The following XPO6 variants were observed in gnomAD, a reference collection of about 807,000 sequenced individuals.
XPO6 encodes the protein exportin-6.
XPO6 carries 3 observed loss-of-function variants against 130.0 expected under a neutral mutation model. The observed-to-expected ratio is 0.02, with a 90% CI of 0.01 to 0.06. The LOEUF (loss-of-function observed/expected upper bound fraction) is 0.06, where lower values mean the gene tolerates loss of function less well. XPO6 is among the 10% of genes least tolerant of loss of function. XPO6 has a pLI of 1.00. For missense variants in XPO6, 970 were observed against 1,393.0 expected (o/e 0.70, Z 4.83); for synonymous variants, 524 against 548.9 (o/e 0.95, Z 0.63).
intron 7 of XPO6, chr16:28,153,221 C>A: frequency 1.0e-6 from 1 of 994,076 alleles, no homozygotes; most frequent in African/African-American, 1.7e-5. Context: ...CTACGAAGGG[C>A]ATGGCATCCA....
rs1261891629 is a variant in XPO6 at position 28,132,504 on chromosome 16, G to C, written c.1537-101C>G. 1 of 786,876 alleles carries C rather than the reference G, an allele frequency of 1.3e-6. No homozygotes were observed. Among genetic ancestry groups the C allele is most frequent in the African/African-American group, 1.8e-5 (1 of 55,756 alleles). The allele number at this position is 786,876 out of a possible 1,614,324, so 48.7% of individuals were successfully genotyped here. A position where few individuals can be genotyped will look rare whatever the true frequency, so the allele number is the denominator to read the frequency against. ...CATTAACACGTAACTATGGTGTGAG[G>C]AACAGGATCAAAACCTTTTCTCTGG... is the stretch of plus-strand genomic sequence containing the variant. On this transcript the variant is annotated intron_variant, in intron 11 of 23. Coordinates refer to ENST00000304658, the MANE Select transcript of XPO6 (RefSeq NM_015171.4). The surrounding 1 kb of genome is among the most constrained non-coding windows in gnomAD (Gnocchi z 4.0).
chr16:28,202,531 T>C lies in XPO6; in HGVS notation c.3+8835A>G, dbSNP rs1043501644. Among the ~76,000 whole-genome samples, 2 of 152,084 alleles carry C rather than the reference T, an allele frequency of 1.3e-5. 1 individual carries two copies. Among genetic ancestry groups the C allele is most frequent in the Non-Finnish European group, 2.9e-5 (2 of 67,996 alleles). ...AGGTCAGGGTCAGGACACAGATACG[T>C]TAGCAGCAGCATCAACAGGTCTGGA... On this transcript the variant is annotated intron_variant, in intron 1 of 23. Transcript: ENST00000304658.
chr16:28,162,783 T>A (rs770403510), intron 6 of XPO6, among the ~76,000 whole-genome samples: 10 of 152,142 alleles, frequency 6.6e-5, no homozygotes, highest in Non-Finnish European at 1.3e-4. Flanking sequence ...CTCAAATTCC[T>A]AAGCTCAAGT....
Position 28,102,476 on chromosome 16 carries a change from T to C in XPO6, c.2947-531A>G, listed in dbSNP as rs141637003. On this transcript the variant is annotated intron_variant, in intron 21 of 23. Coordinates refer to ENST00000304658, the MANE Select transcript of XPO6 (RefSeq NM_015171.4). ...GTTCAGTCCAGGCACAGAAGCTCAG[T>C]CCTGTAATCCCAGCACTTTGGGAAG... is the stretch of plus-strand genomic sequence containing the variant. Among the ~76,000 whole-genome samples the C allele has an allele frequency of 5.5e-3, 843 of 152,280 alleles. 6 individuals carry two copies. Among genetic ancestry groups the C allele is most frequent in the Non-Finnish European group, 9.5e-3 (647 of 68,022 alleles).
intron 15 of XPO6, among the ~76,000 whole-genome samples, chr16:28,113,454 A>C (rs1253418834): frequency 6.6e-6 from 1 of 152,134 alleles, no homozygotes; most frequent in Middle Eastern, 3.2e-3. Flanking sequence ...CTGTGCCTTA[A>C]CACTCAGGCC....
intron 15 of XPO6, among the ~76,000 whole-genome samples, chr16:28,115,687 T>C (rs555465879): frequency 6.6e-6 from 1 of 152,308 alleles, no homozygotes; most frequent in Admixed American, 6.5e-5. Flanking sequence ...AGTTGGCCTG[T>C]CCTCTGAAGC....
intron 8 of XPO6, among the ~76,000 whole-genome samples, chr16:28,148,356 C>T (rs955626778): frequency 5.9e-5 from 9 of 152,164 alleles, no homozygotes; most frequent in Admixed American, 2.6e-4. Context: ...GCCCACAGGC[C>T]GCCCATGACC....
intron 20 of XPO6, among the ~76,000 whole-genome samples, chr16:28,105,193 C>T (rs2086747014): frequency 6.6e-6 from 1 of 152,162 alleles, no homozygotes; most frequent in South Asian, 2.1e-4. Context: ...CGCCTTAAAG[C>T]GATTCTGCTC....
chr16:28,153,333 A>C (rs1228108679), intron 7 of XPO6: 1 of 985,628 alleles, frequency 1.0e-6, no homozygotes, highest in Non-Finnish European at 1.2e-6. Context: ...AAGTGATTTC[A>C]AATATAAGGG....
chr16:28,136,674 G>C (rs1348539686), intron 9 of XPO6, among the ~76,000 whole-genome samples: 1 of 152,202 alleles, frequency 6.6e-6, no homozygotes, highest in Non-Finnish European at 1.5e-5. Flanking sequence ...CGGTAGGTTT[G>C]GATATTTCCC....
intron 1 of XPO6, among the ~76,000 whole-genome samples, chr16:28,191,103 T>C (rs769429807): frequency 8.5e-5 from 13 of 152,250 alleles, no homozygotes; most frequent in Admixed American, 2.6e-4. Flanking sequence ...GAAAGAGAAA[T>C]GGAGAAAAGG....
At chr16:28,157,715 T>C (rs2043206096) in intron 6 of XPO6, among the ~76,000 whole-genome samples, 1 of 152,222 alleles carries the variant, frequency 6.6e-6, no homozygotes, top group South Asian at 2.1e-4. Context: ...AATTCATTAG[T>C]AATCAGAAAA....
chr16:28,144,225 T>C (rs759456318), intron 9 of XPO6, among the ~76,000 whole-genome samples: 9 of 152,254 alleles, frequency 5.9e-5, no homozygotes, highest in Non-Finnish European at 1.2e-4. Context: ...GTACTACCTA[T>C]AATCACACAT....
intron 14 of XPO6, 140 bp downstream of exon 14, chr16:28,121,530 C>G: frequency 1.4e-6 from 1 of 712,646 alleles, no homozygotes; most frequent in Non-Finnish European, 2.5e-6. Context: ...AAAAATCTCT[C>G]TCTCTTTCTA....
At chr16:28,103,361 C>T (rs570717480) in intron 21 of XPO6, among the ~76,000 whole-genome samples, 3 of 152,240 alleles carry the variant, frequency 2.0e-5, no homozygotes, top group Non-Finnish European at 4.4e-5. Flanking sequence ...CCCTTAGAGG[C>T]ATGCACGAGC....
Position 28,106,589 on chromosome 16 carries a change from A to C in XPO6, c.2498-92T>G. The C allele has an allele frequency of 2.1e-6, 2 of 963,452 alleles. No homozygotes were observed. Among genetic ancestry groups the C allele is most frequent in the Non-Finnish European group, 3.3e-6 (2 of 610,732 alleles). The allele number at this position is 963,452 out of a possible 1,614,324, so 59.7% of individuals were successfully genotyped here. The stretch of plus-strand genomic sequence containing the variant: ...TCAACCTACTCCTGAAATCTGCACT[A>C]TCAGCTTTCTCTACAGCTTCCTGCT... On this transcript the variant is annotated intron_variant, in intron 18 of 23. Coordinates refer to ENST00000304658, the MANE Select transcript of XPO6 (RefSeq NM_015171.4). This position sits in a 1 kb window ranked among gnomAD's most constrained non-coding sequence, Gnocchi z 4.2.
chr16:28,182,745 G>A (rs1468160967), intron 1 of XPO6, among the ~76,000 whole-genome samples: 1 of 152,158 alleles, frequency 6.6e-6, no homozygotes, highest in Non-Finnish European at 1.5e-5. Flanking sequence ...AATGTTTCAA[G>A]TGTTTGTGTT....
chr16:28,196,230 C>T lies in XPO6; in HGVS notation c.3+15136G>A, dbSNP rs113855502. ...AAATATGCTGAATTTAAGACTGCTG[C>T]CACAGATGGATTTCTATTTTCAAAA... On this transcript the variant is annotated intron_variant, in intron 1 of 23. Coordinates refer to ENST00000304658, the MANE Select transcript of XPO6 (RefSeq NM_015171.4). Among the ~76,000 whole-genome samples the T allele has an allele frequency of 3.6e-3, 541 of 152,264 alleles. 5 individuals are homozygous for T. The highest frequency in any genetic ancestry group is 0.013 in the African/African-American group (524 of 41,542).
intron 1 of XPO6, among the ~76,000 whole-genome samples, chr16:28,186,271 A>G (rs146087316): frequency 9.3e-5 from 14 of 151,276 alleles, no homozygotes; most frequent in African/African-American, 3.4e-4. Context: ...CTACGTTACT[A>G]TAATTGCTTT....
Sources: gnomAD v4.1 joint callset for allele counts (sites outside exome capture counted in the v4.1 genomes callset) on GRCh38, gnomAD v4.1.1 for gene constraint, Gnocchi (gnomAD v3.1) non-coding constraint, MANE v1.5 for transcripts, NCBI Gene and HGNC (gene_info 2026-07-23, HGNC 2026-07-21) for gene names.